Variants in GNB2 observed in about 807,000 individuals in gnomAD.
GNB2 encodes G protein subunit beta 2.
In GNB2, 7 loss-of-function variants were observed where a neutral mutation model predicts 40.7. The observed-to-expected ratio is 0.17, with a 90% CI of 0.10 to 0.32. The LOEUF (loss-of-function observed/expected upper bound fraction) is 0.32, where lower values mean the gene tolerates loss of function less well. GNB2 is among the 10% of genes least tolerant of loss of function. The probability of loss-of-function intolerance (pLI) is 1.00; values close to 1 mark genes in which losing one functional copy is unlikely to be tolerated. For missense variants in GNB2, 286 were observed against 473.0 expected (o/e 0.60, Z 3.67); for synonymous variants, 254 against 191.2 (o/e 1.33, Z -2.71).
At position 100,678,732 on chromosome 7, in the gene GNB2, C is replaced by G. The variant is rs17850902; in HGVS notation, c.954C>G (p.Leu318=). 1.2e-5 allele frequency: 19 copies of G among 1,613,786 alleles called. No individual in the cohort carries two copies. The highest frequency in any genetic ancestry group is 1.5e-5 in the Non-Finnish European group (18 of 1,180,000). ...GCCACGACAACCGCGTGAGCTGCCT[C>G]GGGGTCACCGACGATGGCATGGCTG... ...LAGHDNRVSC[L]GVTDDGMAVA... Residue 318 remains leucine (L), a synonymous_variant, in exon 10 of 10, where the codon CTC becomes CTG. Transcript: ENST00000303210.
At position 100,675,058 on chromosome 7, in the gene GNB2, A is replaced by G. The variant is rs537443686; in HGVS notation, c.-89-1119A>G. Among the ~76,000 whole-genome samples the G allele has an allele frequency of 8.6e-5, 13 of 151,370 alleles. No individual in the cohort carries two copies. In the South Asian group the frequency reaches 2.5e-3, roughly 29 times the overall value. ...GGGTGGGGGACGCCTGGGCCGGCCAAGTGCAGTGTGTACGGCCGGATCGCA... is the reference window on the plus strand; with the variant it reads ...GGGTGGGGGACGCCTGGGCCGGCCAGGTGCAGTGTGTACGGCCGGATCGCA... On this transcript the variant is annotated intron_variant, in intron 1 of 9. Transcript: ENST00000303210.
chr7:100,678,661 G>A (rs748181605), intron 9 of GNB2, 34 bp from the exon 10 acceptor site: 3 of 1,608,404 alleles, frequency 1.9e-6, no homozygotes, highest in African/African-American at 2.7e-5. Flanking sequence ...TGGAGCCCAG[G>A]CCCAATGGGT....
rs1804444857 is a variant in GNB2, at chr7:100,679,107, G to A, written c.*306G>A. 2.9e-6 allele frequency: 1 copy of A among 349,314 alleles called. No homozygotes were observed. The highest frequency in any genetic ancestry group is 5.2e-6 in the Non-Finnish European group (1 of 192,644). The allele number at this position is 349,314 out of a possible 1,614,324, so 21.6% of individuals were successfully genotyped here. On this transcript the variant is annotated 3_prime_UTR_variant, in exon 10 of 10. Coordinates refer to ENST00000303210, the MANE Select transcript of GNB2 (RefSeq NM_005273.4). ...CCAGGGGCTGGCTTTTTTAAAACTG[G>A]TTTTATTTTAATTTTTATTATATTT...
chr7:100,677,330 TC>T (rs779252607), intron 4 of GNB2, 21 bp from the exon 5 acceptor site: 1 of 1,607,086 alleles, frequency 6.2e-7, no homozygotes, highest in Non-Finnish European at 8.5e-7. Flanking sequence ...CCTTCTGCTC[TC>T]CCTACACCGT....
chr7:100,676,993 G>A (rs140189711), intron 4 of GNB2, 194 bp downstream of exon 4: 1 of 598,942 alleles, frequency 1.7e-6, no homozygotes, highest in Admixed American at 3.0e-5. Context: ...TGCAGCTGGA[G>A]ACTGTCTCTC....
intron 3 of GNB2, 24 bp downstream of exon 3, chr7:100,676,597 C>T (rs754999073): frequency 1.3e-6 from 2 of 1,599,128 alleles, no homozygotes; most frequent in Admixed American, 1.7e-5. Context: ...GTGGCCAGAG[C>T]GTAACTAGGG....
chr7:100,678,354 TCCTCAC>T (rs561037473), intron 8 of GNB2, 38 bp from the exon 9 acceptor site: 269 of 1,602,092 alleles, frequency 1.7e-4, no homozygotes, highest in African/African-American at 1.6e-3. Context: ...CCGGCCCTGC[TCCTCAC>T]CCTCACCCTC....
Position 100,677,450 on chromosome 7 carries a change from C to T in GNB2, c.267+35C>T, listed in dbSNP as rs554159118. On this transcript the variant is annotated intron_variant, in intron 5 of 9. Transcript: ENST00000303210. ...CGCGGGCTGCGGGGTGGGGCAGGGCCACAGGGCCCTGGCTGGCTCTGACCC... is the reference window on the plus strand; with the variant it reads ...CGCGGGCTGCGGGGTGGGGCAGGGCTACAGGGCCCTGGCTGGCTCTGACCC... 7.4e-6 allele frequency: 12 copies of T among 1,613,134 alleles called. No homozygotes were observed. The Admixed American group carries it at 1.7e-4, about 22-fold the overall frequency.
Position 100,677,457 on chromosome 7 carries a change from C to G in GNB2, c.268-41C>G, listed in dbSNP as rs755572881. ...TGCGGGGTGGGGCAGGGCCACAGGG[C>G]CCTGGCTGGCTCTGACCCCGGCGCT... On this transcript the variant is annotated intron_variant, in intron 5 of 9. Transcript: ENST00000303210. 15 of 1,612,872 alleles carry G rather than the reference C, an allele frequency of 9.3e-6. No individual in the cohort carries two copies. In the African/African-American group the frequency reaches 1.5e-4, roughly 16 times the overall value.
At position 100,679,070 on chromosome 7, in the gene GNB2, G is replaced by A. The variant is rs1195030175; in HGVS notation, c.*269G>A. 4 of 437,852 alleles carry A rather than the reference G, an allele frequency of 9.1e-6. No homozygotes were observed. In the South Asian group the frequency reaches 1.8e-4, roughly 19 times the overall value. The allele number at this position is 437,852 out of a possible 1,614,324, so 27.1% of individuals were successfully genotyped here. Reference sequence around the variant, plus strand: ...CACCCCTCTGGAGGGCCGGAGGCAGGAGGTGGAAACCCCAGGGGCTGGCTT... The same window carrying A: ...CACCCCTCTGGAGGGCCGGAGGCAGAAGGTGGAAACCCCAGGGGCTGGCTT... On this transcript the variant is annotated 3_prime_UTR_variant, in exon 10 of 10. Transcript: ENST00000303210.
intron 4 of GNB2, 134 bp from the exon 5 acceptor site, chr7:100,677,218 A>C (rs1045989028): frequency 2.9e-6 from 2 of 682,252 alleles, no homozygotes; most frequent in African/African-American, 3.6e-5. Flanking sequence ...TCCAGGCTGC[A>C]GTGAGCTGTG....
chr7:100,676,737 C>G lies in GNB2; in HGVS notation c.141C>G (p.Thr47=), dbSNP rs377291417. ...CAGTGGGGAGAATCCAGATGAGGAC[C>G]CGGAGGACCCTCCGTGGGCACCTGG... ...LDPVGRIQMR[T]RRTLRGHLAK... Residue 47 remains threonine (T), a synonymous_variant, in exon 4 of 10, where the codon ACC becomes ACG. Transcript: ENST00000303210. The G allele has an allele frequency of 1.1e-4, 185 of 1,609,778 alleles. No homozygotes were observed. Among genetic ancestry groups the G allele is most frequent in the Non-Finnish European group, 1.6e-4 (183 of 1,178,224 alleles).
intron 2 of GNB2, 75 bp from the exon 3 acceptor site, chr7:100,676,460 C>T (rs1036309276): frequency 4.4e-6 from 6 of 1,373,262 alleles, no homozygotes; most frequent in South Asian, 3.5e-5. Context: ...CCACTCCTGT[C>T]TTCTGTTCTC....
Position 100,678,152 on chromosome 7 carries a change from T to C in GNB2, c.552T>C (p.Ser184=). ...GQQTVGFAGH[S]GDVMSLSLAP... ...AGACAGTGGGTTTTGCTGGACACAG[T>C]GGGGATGTGATGTCCCTGTCCCTGG... is the stretch of plus-strand genomic sequence containing the variant. The change falls in exon 8 of 10, where the codon AGT becomes AGC. Residue 184 remains serine (S), a synonymous_variant. Transcript: ENST00000303210. 1 of 1,613,924 alleles carries C rather than the reference T, an allele frequency of 6.2e-7. No homozygotes were observed. Among genetic ancestry groups the C allele is most frequent in the Non-Finnish European group, 8.5e-7 (1 of 1,179,824 alleles).
chr7:100,676,150 G>A, intron 1 of GNB2, 27 bp from the exon 2 acceptor site: 1 of 619,510 alleles, frequency 1.6e-6, no homozygotes, highest in Non-Finnish European at 2.8e-6. Flanking sequence ...GCGGCCTCGG[G>A]CCTGACGTCA....
At position 100,676,592 on chromosome 7, in the gene GNB2, C is replaced by T; in HGVS notation, c.96+19C>T. The T allele has an allele frequency of 6.2e-7, 1 of 1,602,620 alleles. No individual in the cohort carries two copies. Among genetic ancestry groups the T allele is most frequent in the African/African-American group, 1.3e-5 (1 of 74,812 alleles). On this transcript the variant is annotated intron_variant, in intron 3 of 9. Coordinates refer to ENST00000303210, the MANE Select transcript of GNB2 (RefSeq NM_005273.4). ...GACCCAGGTGAGGGCACTTGGTGGC[C>T]AGAGCGTAACTAGGGGTTGAAGGGG...
Position 100,677,617 on chromosome 7 carries a change from C to G in GNB2, c.387C>G (p.Arg129=). 6.2e-7 allele frequency: 1 copy of G among 1,613,422 alleles called. No homozygotes were observed. The highest frequency in any genetic ancestry group is 8.5e-7 in the Non-Finnish European group (1 of 1,179,994). The change falls in exon 6 of 10, where the codon CGC becomes CGG. Residue 129 remains arginine, a synonymous_variant. Transcript: ENST00000303210. Reference sequence around the variant, plus strand: ...GCTCCATCTACAGCCTCAAGACCCGCGAGGGCAACGTCAGGGTCAGCCGGG... The same window carrying G: ...GCTCCATCTACAGCCTCAAGACCCGGGAGGGCAACGTCAGGGTCAGCCGGG... ...NICSIYSLKT[R]EGNVRVSREL... is the part of the protein sequence containing the mutation.
rs983636308 is a variant in GNB2, at chr7:100,678,090, C to T, written c.498-8C>T. 10 of 1,605,414 alleles carry T rather than the reference C, an allele frequency of 6.2e-6. No individual in the cohort carries two copies. Among genetic ancestry groups the T allele is most frequent in the African/African-American group, 1.3e-5 (1 of 74,760 alleles). On this transcript the variant is annotated splice_region_variant and splice_polypyrimidine_tract_variant and intron_variant, in intron 7 of 9. Coordinates refer to ENST00000303210, the MANE Select transcript of GNB2 (RefSeq NM_005273.4). ...CTTATCTTTTCTTTCTTCCTGTCAC[C>T]TCTCCAGTGCCCTGTGGGACATTGA...
chr7:100,677,924 C>G, intron 7 of GNB2, 106 bp downstream of exon 7: 1 of 1,096,132 alleles, frequency 9.1e-7, no homozygotes, highest in Non-Finnish European at 1.4e-6. Context: ...CCTCCCTCTC[C>G]TGGTGGGCGC....
Sources: allele counts gnomAD v4.1 joint callset (sites outside exome capture counted in the v4.1 genomes callset), GRCh38; gene constraint gnomAD v4.1.1; transcripts MANE v1.5; gene names NCBI Gene and HGNC (gene_info 2026-07-23, HGNC 2026-07-21).